CACNA1E: variants seen among roughly 807,000 people sequenced by gnomAD.
CACNA1E encodes calcium voltage-gated channel subunit alpha1 E.
In CACNA1E, 40 loss-of-function variants were observed where a neutral mutation model predicts 259.2. The observed-to-expected ratio is 0.15, with a 90% CI of 0.12 to 0.20. The LOEUF is 0.20. CACNA1E is among the 10% of genes least tolerant of loss of function. The pLI, the probability that CACNA1E is intolerant of heterozygous loss-of-function variation, is 1.00. For synonymous variants in CACNA1E, 1,104 were observed against 1,138.5 expected (o/e 0.97, Z 0.61); for missense variants, 1,874 against 3,040.1 (o/e 0.62, Z 9.02).
chr1:181,493,893 G>A (rs1440247396), intron 1 of CACNA1E, among the ~76,000 whole-genome samples: 1 of 152,150 alleles, frequency 6.6e-6, no homozygotes, highest in African/African-American at 2.4e-5. Flanking sequence ...GGTATGCAGG[G>A]CTTCTCATGA....
At chr1:181,786,762 C>T (rs143251157) in intron 43 of CACNA1E, among the ~76,000 whole-genome samples, 204 of 152,276 alleles carry the variant, frequency 1.3e-3, no homozygotes, top group Non-Finnish European at 2.3e-3. Flanking sequence ...ATCACCAAAT[C>T]GCTTATGTTA....
Position 181,794,857 on chromosome 1 carries a change from T to C in CACNA1E, c.6028-7T>C. On this transcript the variant is annotated splice_region_variant and splice_polypyrimidine_tract_variant and intron_variant, in intron 45 of 47. Coordinates refer to ENST00000367573, the MANE Select transcript of CACNA1E (RefSeq NM_001205293.3). ...CCTTGTGTTTCTCTGGGGGCTTGTA[T>C]TTCCAGGTGGTGACAGACCCTAGCT... The C allele has an allele frequency of 1.2e-6, 2 of 1,605,008 alleles. No homozygotes were observed. Among genetic ancestry groups the C allele is most frequent in the Non-Finnish European group, 1.7e-6 (2 of 1,174,852 alleles).
intron 2 of CACNA1E, among the ~76,000 whole-genome samples, chr1:181,473,203 C>G (rs1662627574): frequency 6.6e-6 from 1 of 152,160 alleles, no homozygotes; most frequent in Admixed American, 6.5e-5. Flanking sequence ...AACTCCCTTA[C>G]TGACCTCTCC....
chr1:181,480,077 T>G (rs1194251339), upstream of CACNA1E, among the ~76,000 whole-genome samples: 1 of 152,080 alleles, frequency 6.6e-6, no homozygotes, highest in Non-Finnish European at 1.5e-5. Flanking sequence ...GCCTAGGAGT[T>G]GCCAGCTAGG....
chr1:181,492,730 G>A lies in CACNA1E; in HGVS notation c.266+8720G>A, dbSNP rs140270831. Among the ~76,000 whole-genome samples the A allele has an allele frequency of 1.8e-3, 267 of 152,220 alleles. 2 individuals carry two copies. The highest frequency in any genetic ancestry group is 4.5e-3 in the African/African-American group (188 of 41,520). Reference sequence around the variant, plus strand: ...CTTTCAATAAGCATCTCAGCAAGAGGTTGTCAGATGATACCTTCCCCAACC... The same window carrying A: ...CTTTCAATAAGCATCTCAGCAAGAGATTGTCAGATGATACCTTCCCCAACC... On this transcript the variant is annotated intron_variant, in intron 1 of 47. Coordinates refer to ENST00000367573, the MANE Select transcript of CACNA1E (RefSeq NM_001205293.3).
chr1:181,340,526 A>G (rs1174688875), intron 1 of CACNA1E, among the ~76,000 whole-genome samples: 3 of 152,146 alleles, frequency 2.0e-5, no homozygotes, highest in Non-Finnish European at 4.4e-5. Context: ...TTATGATATA[A>G]AATTTCTTTA....
chr1:181,579,375 C>T (rs1449553010), intron 5 of CACNA1E, among the ~76,000 whole-genome samples, 151 bp downstream of exon 5: 1 of 152,200 alleles, frequency 6.6e-6, no homozygotes, highest in African/African-American at 2.4e-5. Context: ...CCTTTTGAGG[C>T]ACAGTCAACC....
chr1:181,784,493 C>CCAAAATCTG (rs1660697426), intron 40 of CACNA1E, among the ~76,000 whole-genome samples, 168 bp from the exon 41 acceptor site: 1 of 152,202 alleles, frequency 6.6e-6, no homozygotes, highest in Non-Finnish European at 1.5e-5. Context: ...ATGTGTTCTG[C>CCAAAATCTG]TTCTTCAGCA....
At chr1:181,676,394 G>A (rs972404575) in intron 7 of CACNA1E, among the ~76,000 whole-genome samples, 2 of 151,972 alleles carry the variant, frequency 1.3e-5, no homozygotes, top group East Asian at 1.9e-4. Flanking sequence ...TAATATAATC[G>A]GTGTTTAACA....
intron 7 of CACNA1E, among the ~76,000 whole-genome samples, chr1:181,653,530 A>AT (rs1488366820): frequency 6.6e-6 from 1 of 152,216 alleles, no homozygotes; most frequent in Non-Finnish European, 1.5e-5. Context: ...GTATGTCTTT[A>AT]TTAGCAGCAC....
intron 6 of CACNA1E, among the ~76,000 whole-genome samples, chr1:181,602,162 G>A (rs764879011): frequency 2.6e-5 from 4 of 152,142 alleles, no homozygotes; most frequent in Non-Finnish European, 5.9e-5. Flanking sequence ...AGCGACCACA[G>A]TATATACTTT....
intron 1 of CACNA1E, among the ~76,000 whole-genome samples, chr1:181,505,034 G>T (rs1451768702): frequency 6.6e-6 from 1 of 152,106 alleles, no homozygotes; most frequent in Non-Finnish European, 1.5e-5. Flanking sequence ...GATGTCTTTT[G>T]CAAGTTTCAA....
intron 7 of CACNA1E, among the ~76,000 whole-genome samples, chr1:181,675,284 C>A (rs923834004): frequency 1.3e-5 from 2 of 152,132 alleles, no homozygotes; most frequent in Non-Finnish European, 2.9e-5. Flanking sequence ...CTACCCAAGG[C>A]CTTGCTCCGA....
At chr1:181,469,584 G>A (rs765691506) in intron 2 of CACNA1E, among the ~76,000 whole-genome samples, 1 of 152,200 alleles carries the variant, frequency 6.6e-6, no homozygotes, top group Non-Finnish European at 1.5e-5. Flanking sequence ...CGAAGATAAA[G>A]GTTTGGAAGT....
chr1:181,359,433 A>T (rs776025430), intron 1 of CACNA1E, among the ~76,000 whole-genome samples: 1 of 152,208 alleles, frequency 6.6e-6, no homozygotes, highest in Non-Finnish European at 1.5e-5. Flanking sequence ...CGTGGGCAAA[A>T]CCACAGAAGT....
chr1:181,504,318 G>A (rs1167877208), intron 1 of CACNA1E, among the ~76,000 whole-genome samples: 1 of 152,072 alleles, frequency 6.6e-6, no homozygotes, highest in Non-Finnish European at 1.5e-5. Context: ...AGTGCCCACC[G>A]ACTGCTCCCC....
chr1:181,448,903 C>G (rs914907769), intron 2 of CACNA1E, among the ~76,000 whole-genome samples: 2 of 152,238 alleles, frequency 1.3e-5, no homozygotes, highest in Non-Finnish European at 2.9e-5. Flanking sequence ...TGCAGAGAGG[C>G]TGCCTTTGGT....
chr1:181,779,830 A>ACACACACG (rs1481867147), intron 38 of CACNA1E, among the ~76,000 whole-genome samples: 1 of 151,748 alleles, frequency 6.6e-6, no homozygotes, highest in Non-Finnish European at 1.5e-5. Flanking sequence ...ACACACACAC[A>ACACACACG]CACACACACA....
chr1:181,383,341 G>A (rs541913223), intron 1 of CACNA1E, among the ~76,000 whole-genome samples: 5 of 152,346 alleles, frequency 3.3e-5, no homozygotes, highest in Non-Finnish European at 5.9e-5. Flanking sequence ...TCCTTTGGAT[G>A]TGGTAGGTGC....
Sources: gnomAD v4.1 joint callset for allele counts (sites outside exome capture counted in the v4.1 genomes callset) on GRCh38, gnomAD v4.1.1 for gene constraint, MANE v1.5 for transcripts, NCBI Gene and HGNC (gene_info 2026-07-23, HGNC 2026-07-21) for gene names.